PPP3CA: variants seen among roughly 807,000 people sequenced by gnomAD.
PPP3CA encodes the protein protein phosphatase 3 catalytic subunit alpha.
PPP3CA carries 14 observed loss-of-function variants against 66.5 expected under a neutral mutation model. The ratio of observed to expected loss-of-function variants is 0.21; its 90% CI spans 0.14 to 0.33. The LOEUF (loss-of-function observed/expected upper bound fraction) is 0.33, where lower values mean the gene tolerates loss of function less well. Ranked by LOEUF, PPP3CA falls within the 10% of genes least tolerant of loss-of-function variation. The pLI is 1.00. For synonymous variants in PPP3CA, 232 were observed against 226.2 expected, an observed-to-expected ratio of 1.03 and a Z score of -0.23; for missense variants, 317 against 639.5, an observed-to-expected ratio of 0.50 and a Z score of 5.44.
At chr4:101,096,707 T>C (rs1578442479) in intron 5 of PPP3CA, among the ~76,000 whole-genome samples, 1 of 152,214 alleles carries the variant, frequency 6.6e-6, no homozygotes, top group East Asian at 1.9e-4. Context: ...CAGAAACTAC[T>C]ATACTTATTT....
intron 1 of PPP3CA, among the ~76,000 whole-genome samples, chr4:101,321,186 A>G (rs948459618): frequency 6.6e-6 from 1 of 152,236 alleles, no homozygotes. Flanking sequence ...CCTACATTTT[A>G]TAGATATAAT....
At chr4:101,197,444 T>G (rs1724835081) in intron 1 of PPP3CA, among the ~76,000 whole-genome samples, 1 of 152,186 alleles carries the variant, frequency 6.6e-6, no homozygotes, top group African/African-American at 2.4e-5. Flanking sequence ...GCAGATTTGG[T>G]GGCTGAGCAG....
At chr4:101,106,416 A>AG (rs1730694958) in intron 3 of PPP3CA, among the ~76,000 whole-genome samples, 1 of 11,712 alleles carries the variant, frequency 8.5e-5, no homozygotes, top group Non-Finnish European at 1.8e-4. Flanking sequence ...AAAGAAAGAA[A>AG]GAAAGAAAGA....
chr4:101,142,398 A>G (rs1157686376), intron 2 of PPP3CA, among the ~76,000 whole-genome samples: 1 of 152,238 alleles, frequency 6.6e-6, no homozygotes, highest in East Asian at 1.9e-4. Flanking sequence ...ACAGTGAGAA[A>G]GAGGAAAGCT....
At chr4:101,138,365 ACAT>A (rs1722689385) in intron 2 of PPP3CA, among the ~76,000 whole-genome samples, 1 of 152,182 alleles carries the variant, frequency 6.6e-6, no homozygotes, top group African/African-American at 2.4e-5. Flanking sequence ...CAGAAATAAG[ACAT>A]CTATTCATTG....
At chr4:101,139,685 GT>G (rs1359589082) in intron 2 of PPP3CA, among the ~76,000 whole-genome samples, 53 of 125,920 alleles carry the variant, frequency 4.2e-4, no homozygotes, top group African/African-American at 1.5e-3. Context: ...ACTTTTGAGG[GT>G]TTTTTTTGTG....
At chr4:101,154,886 G>A (rs1041110715) in intron 2 of PPP3CA, among the ~76,000 whole-genome samples, 1 of 135,114 alleles carries the variant, frequency 7.4e-6, no homozygotes, top group Non-Finnish European at 1.5e-5. Context: ...GTGCAATCTC[G>A]GCTCACTGCA....
chr4:101,107,697 A>G (rs1200492376), intron 3 of PPP3CA, among the ~76,000 whole-genome samples: 1 of 152,244 alleles, frequency 6.6e-6, no homozygotes, highest in Non-Finnish European at 1.5e-5. Flanking sequence ...TAAAACTGAT[A>G]TAATTGTATA....
chr4:101,132,334 T>C (rs1371365730), intron 2 of PPP3CA, among the ~76,000 whole-genome samples: 6 of 151,008 alleles, frequency 4.0e-5, no homozygotes, highest in Non-Finnish European at 8.9e-5. Context: ...TTGAAAAGAT[T>C]AAGAAAATAG....
intron 10 of PPP3CA, among the ~76,000 whole-genome samples, chr4:101,053,526 T>C (rs1362756103): frequency 6.6e-6 from 1 of 152,138 alleles, no homozygotes; most frequent in African/African-American, 2.4e-5. Context: ...TGGAGGCCTA[T>C]TTCACTCTTA....
At chr4:101,046,169 T>C (rs1341996000) in intron 10 of PPP3CA, among the ~76,000 whole-genome samples, 2 of 152,170 alleles carry the variant, frequency 1.3e-5, no homozygotes, top group Non-Finnish European at 2.9e-5. Flanking sequence ...AGAAGAAAAC[T>C]GAACTGGCGG....
At chr4:101,320,493 TAC>T (rs147488680) in intron 1 of PPP3CA, among the ~76,000 whole-genome samples, 3,293 of 143,042 alleles carry the variant, frequency 0.023, 112 homozygotes, top group African/African-American at 0.077. Context: ...TGTGTGTGTA[TAC>T]ACACACACAC....
At chr4:101,279,379 G>T (rs1012481403) in intron 1 of PPP3CA, among the ~76,000 whole-genome samples, 4 of 152,144 alleles carry the variant, frequency 2.6e-5, no homozygotes, top group Admixed American at 2.6e-4. Flanking sequence ...CAGGAGAAAG[G>T]CTGCAGGAGG....
chr4:101,161,818 TA>T (rs1387485221), intron 2 of PPP3CA, among the ~76,000 whole-genome samples: 1 of 152,136 alleles, frequency 6.6e-6, no homozygotes, highest in Admixed American at 6.6e-5. Flanking sequence ...GTGTCTACAC[TA>T]GCATACCATA....
chr4:101,112,240 T>A (rs1223365433), intron 2 of PPP3CA, among the ~76,000 whole-genome samples: 1 of 152,154 alleles, frequency 6.6e-6, no homozygotes, highest in Non-Finnish European at 1.5e-5. Flanking sequence ...TATTTTTTCT[T>A]TTGCTTAAGT....
At chr4:101,063,191 A>T (rs940015493) in intron 9 of PPP3CA, 41 bp downstream of exon 9, 1 of 1,595,964 alleles carries the variant, frequency 6.3e-7, no homozygotes, top group Admixed American at 1.7e-5. Context: ...CTTCCTTCCT[A>T]AACTATTTTA....
intron 11 of PPP3CA, among the ~76,000 whole-genome samples, chr4:101,035,455 A>C (rs1727202659): frequency 6.6e-6 from 1 of 152,180 alleles, no homozygotes; most frequent in South Asian, 2.1e-4. Context: ...CAGTAGGAAG[A>C]TCTTTTTGGG....
At chr4:101,182,553 C>T (rs149957244) in intron 2 of PPP3CA, among the ~76,000 whole-genome samples, 1 of 152,192 alleles carries the variant, frequency 6.6e-6, no homozygotes, top group East Asian at 1.9e-4. Context: ...GTTAGAGAAA[C>T]AAAGACAATC....
In PPP3CA at chr4:101,208,862, A is replaced by T. The variant is rs553611568; in HGVS notation, c.59-12746T>A. On this transcript the variant is annotated intron_variant, in intron 1 of 13. Coordinates refer to ENST00000394854, the MANE Select transcript of PPP3CA (RefSeq NM_000944.5). ...TCAGTAATTCATAATGAAACAAAAT[A>T]TTCTTTGATTTGCTAATACTCTTTA... Among the ~76,000 whole-genome samples the T allele has an allele frequency of 1.1e-4, 16 of 152,302 alleles. No homozygotes were observed. The South Asian group carries it at 2.3e-3, about 22-fold the overall frequency.
Sources: allele counts gnomAD v4.1 joint callset (sites outside exome capture counted in the v4.1 genomes callset), GRCh38; gene constraint gnomAD v4.1.1; transcripts MANE v1.5; gene names NCBI Gene and HGNC (gene_info 2026-07-23, HGNC 2026-07-21).